Variants in SMC2 observed in about 807,000 individuals in gnomAD.
The protein encoded by SMC2 is structural maintenance of chromosomes protein 2.
SMC2 carries 41 observed loss-of-function variants against 142.6 expected under a neutral mutation model. The ratio of observed to expected loss-of-function variants is 0.29; its 90% CI spans 0.22 to 0.37. The LOEUF is 0.37. Among genes scored for constraint, SMC2 ranks in the 10% least tolerant of loss-of-function variants. The pLI is 1.00. For synonymous variants in SMC2, 463 were observed against 457.5 expected (o/e 1.01, Z -0.15); for missense variants, 1,265 against 1,373.7 (o/e 0.92, Z 1.25).
intron 4 of SMC2, 66 bp downstream of exon 4, chr9:104,098,634 T>A: frequency 6.9e-7 from 1 of 1,443,208 alleles, no homozygotes; most frequent in Non-Finnish European, 9.4e-7. Context: ...TTTAAGCAAT[T>A]AAAATAGAAG....
At chr9:104,112,860 C>T (rs1203499856) in intron 10 of SMC2, among the ~76,000 whole-genome samples, 1 of 152,112 alleles carries the variant, frequency 6.6e-6, no homozygotes, top group Admixed American at 6.6e-5. Flanking sequence ...AGTTTAGCTT[C>T]TTTTCCTGTA....
upstream of SMC2, among the ~76,000 whole-genome samples, chr9:104,090,652 C>T (rs1016022480): frequency 6.6e-6 from 1 of 152,112 alleles, no homozygotes; most frequent in Non-Finnish European, 1.5e-5. Context: ...TTAAGAGCTA[C>T]GGTATGCTGG....
intron 14 of SMC2, 26 bp from the exon 15 acceptor site, chr9:104,118,145 G>A: frequency 6.3e-7 from 1 of 1,594,196 alleles, no homozygotes; most frequent in Non-Finnish European, 8.6e-7. Flanking sequence ...AGTATGTACT[G>A]TGGCATATCT....
rs1480198372 is a variant in SMC2, at chr9:104,127,403, G to A, written c.2713G>A (p.Asp905Asn). 6.2e-7 allele frequency: 1 copy of A among 1,613,640 alleles called. No individual in the cohort carries two copies. The highest frequency in any genetic ancestry group is 1.1e-5 in the South Asian group (1 of 91,038). Residue 905 changes from aspartate to asparagine, a missense_variant, in exon 20 of 25, where the codon GAT becomes AAT. By Grantham distance (23) the Asp-to-Asn change is conservative (BLOSUM62 1). This residue lies in a region of SMC2 where 898 missense variants were observed against 904.2 expected (regional missense o/e 0.99). Coordinates refer to ENST00000374793, the MANE Select transcript of SMC2 (RefSeq NM_006444.3). ...EVAKHKEQNN[D>N]SQLKIKELDH... The stretch of plus-strand genomic sequence containing the variant: ...GGCAAAACACAAGGAGCAAAACAAT[G>A]ATTCTCAGCTTAAAATTAAGGAATT...
chr9:104,111,913 A>T (rs933851847), intron 10 of SMC2, 99 bp downstream of exon 10: 8 of 842,212 alleles, frequency 9.5e-6, no homozygotes, highest in Middle Eastern at 3.4e-4. Context: ...GAAAATAATC[A>T]GTCTCAAGGA....
chr9:104,091,963 C>A (rs949866326), upstream of SMC2: 1 of 152,188 alleles, frequency 6.6e-6, no homozygotes, highest in Admixed American at 6.5e-5. Context: ...CGATTTTAAT[C>A]CATGGTGATG....
At chr9:104,093,991 G>C (rs1057399738), upstream of SMC2, among the ~76,000 whole-genome samples, 15 of 152,228 alleles carry the variant, frequency 9.9e-5, no homozygotes, top group African/African-American at 3.6e-4. Flanking sequence ...AGAAGGCGGA[G>C]TCTGCAGTGT....
chr9:104,129,579 A>C, intron 20 of SMC2, 66 bp from the exon 21 acceptor site: 1 of 1,201,390 alleles, frequency 8.3e-7, no homozygotes, highest in African/African-American at 1.5e-5. Flanking sequence ...ATAGTTAAGA[A>C]ACTGGCTTAT....
At chr9:104,132,473 T>C (rs1265885502) in intron 22 of SMC2, among the ~76,000 whole-genome samples, 2 of 152,166 alleles carry the variant, frequency 1.3e-5, no homozygotes, top group South Asian at 2.1e-4. Flanking sequence ...CCTGACTTCA[T>C]GTATCTGTCT....
intron 23 of SMC2, chr9:104,135,922 A>C (rs2131568648): frequency 1.9e-6 from 1 of 518,702 alleles, no homozygotes; most frequent in Non-Finnish European, 3.8e-6. Context: ...GCAAAAGGAA[A>C]ATGATACCAG....
upstream of SMC2, chr9:104,092,162 G>C (rs1564055013): frequency 6.6e-6 from 1 of 152,088 alleles, no homozygotes; most frequent in Non-Finnish European, 1.5e-5. Context: ...CTTATATTTA[G>C]CAGCAATTCC....
intron 15 of SMC2, among the ~76,000 whole-genome samples, chr9:104,119,555 C>G (rs936946029): frequency 1.3e-5 from 2 of 152,150 alleles, no homozygotes; most frequent in Admixed American, 1.3e-4. Context: ...TGCTGCAGAT[C>G]AGTTGCCTTT....
intron 20 of SMC2, among the ~76,000 whole-genome samples, chr9:104,129,231 G>A (rs559672567): frequency 5.3e-5 from 8 of 152,158 alleles, no homozygotes; most frequent in South Asian, 4.1e-4. Flanking sequence ...GCCTAGGCAC[G>A]GTGGCTCACG....
chr9:104,094,721 TGAG>T (rs1830259795), intron 1 of SMC2: 3 of 323,056 alleles, frequency 9.3e-6, no homozygotes, highest in African/African-American at 4.3e-5. Flanking sequence ...TTGGAGAATA[TGAG>T]ATACATCTCA....
chr9:104,100,282 T>C, intron 6 of SMC2, 79 bp downstream of exon 6: 2 of 1,385,710 alleles, frequency 1.4e-6, no homozygotes, highest in South Asian at 2.6e-5. Context: ...GAGGGAAAAA[T>C]TTTTTTCCTT....
At chr9:104,126,006 C>T (rs1834224438) in intron 18 of SMC2, among the ~76,000 whole-genome samples, 1 of 152,158 alleles carries the variant, frequency 6.6e-6, no homozygotes, top group Non-Finnish European at 1.5e-5. Flanking sequence ...ATGAGGATTA[C>T]TGCCTGAGTT....
chr9:104,114,188 CTTG>C (rs1287632276), intron 12 of SMC2, 107 bp downstream of exon 12: 12 of 597,230 alleles, frequency 2.0e-5, no homozygotes, highest in Non-Finnish European at 3.2e-5. Flanking sequence ...TTGTATGAAA[CTTG>C]TTGTAAGCTG....
At chr9:104,130,445 AAT>A (rs1834832978) in intron 21 of SMC2, among the ~76,000 whole-genome samples, 1 of 152,134 alleles carries the variant, frequency 6.6e-6, no homozygotes, top group African/African-American at 2.4e-5. Flanking sequence ...CTATCTTAGT[AAT>A]TTTATATTAA....
At chr9:104,124,279 GT>G (rs139751317) in intron 17 of SMC2, among the ~76,000 whole-genome samples, 19,506 of 152,042 alleles carry the variant, frequency 0.13, 1,543 homozygotes, top group Non-Finnish European at 0.15. Flanking sequence ...TAGAGATGAG[GT>G]TTTATCATGT....
Sources: allele counts gnomAD v4.1 joint callset (sites outside exome capture counted in the v4.1 genomes callset), GRCh38; gene constraint gnomAD v4.1.1; regional missense constraint gnomAD v4.1.1; transcripts MANE v1.5; gene names NCBI Gene and HGNC (gene_info 2026-07-23, HGNC 2026-07-21).